The following PCBP3 variants were observed in gnomAD, a reference collection of about 807,000 sequenced individuals.
PCBP3 encodes poly(rC) binding protein 3.
In PCBP3, 25 loss-of-function variants were observed where a neutral mutation model predicts 52.7. The ratio of observed to expected loss-of-function variants is 0.47; its 90% CI spans 0.35 to 0.66. The LOEUF (loss-of-function observed/expected upper bound fraction) is 0.66, where lower values mean the gene tolerates loss of function less well. Ranked by LOEUF, PCBP3 falls within the 30% of genes least tolerant of loss-of-function variation. The pLI, the probability that PCBP3 is intolerant of heterozygous loss-of-function variation, is 0.01. For synonymous variants in PCBP3, 162 were observed against 183.0 expected, an observed-to-expected ratio of 0.89 and a Z score of 0.93; for missense variants, 391 against 490.3, an observed-to-expected ratio of 0.80 and a Z score of 1.91.
chr21:45,787,808 A>G (rs2091264166), intron 4 of PCBP3, among the ~76,000 whole-genome samples: 1 of 152,226 alleles, frequency 6.6e-6, no homozygotes, highest in South Asian at 2.1e-4. Flanking sequence ...GACGCTTCAC[A>G]AATGTGTTAC....
At chr21:45,692,217 C>A (rs1454013052) in intron 2 of PCBP3, among the ~76,000 whole-genome samples, 1 of 151,900 alleles carries the variant, frequency 6.6e-6, no homozygotes, top group Non-Finnish European at 1.5e-5. Context: ...TAAACAGAGA[C>A]CTTAGGTTGT....
chr21:45,858,087 C>A (rs959316340), intron 5 of PCBP3, among the ~76,000 whole-genome samples: 2 of 152,242 alleles, frequency 1.3e-5, no homozygotes, highest in Non-Finnish European at 2.9e-5. Context: ...CCTCCCTTAC[C>A]TCCCTCCAGT....
chr21:45,785,262 CG>C (rs1387646201), intron 4 of PCBP3, among the ~76,000 whole-genome samples: 3 of 151,720 alleles, frequency 2.0e-5, no homozygotes, highest in African/African-American at 7.3e-5. Context: ...CATCTCCGCC[CG>C]GCAGCCACCC....
chr21:45,908,572 G>C (rs1320312130), intron 9 of PCBP3, among the ~76,000 whole-genome samples: 8 of 152,142 alleles, frequency 5.3e-5, no homozygotes, highest in Non-Finnish European at 1.2e-4. Flanking sequence ...GGGTGTCCTG[G>C]GGGTGCTGCC....
intron 2 of PCBP3, among the ~76,000 whole-genome samples, chr21:45,720,337 G>C (rs560331774): frequency 4.1e-4 from 63 of 151,854 alleles, no homozygotes; most frequent in African/African-American, 1.3e-3. Flanking sequence ...TTCTGTTCCT[G>C]TGTTAGTTTG....
intron 4 of PCBP3, among the ~76,000 whole-genome samples, chr21:45,825,768 G>A (rs1311561471): frequency 2.0e-5 from 3 of 152,194 alleles, no homozygotes. Context: ...CTCTCAGGCA[G>A]GGCATCGAGG....
At chr21:45,896,159 G>A (rs753989368) in intron 5 of PCBP3, 49 bp from the exon 6 acceptor site, 139 of 1,533,890 alleles carry the variant, frequency 9.1e-5, no homozygotes, top group Non-Finnish European at 1.2e-4. Flanking sequence ...CTGGATGTGC[G>A]TGGTCCGTGA....
intron 1 of PCBP3, among the ~76,000 whole-genome samples, chr21:45,659,644 C>G (rs1042341219): frequency 6.6e-6 from 1 of 152,232 alleles, no homozygotes; most frequent in South Asian, 2.1e-4. Flanking sequence ...AGCCACTGTG[C>G]CTGGCCTCAT....
At chr21:45,855,141 C>T (rs1255860106) in intron 5 of PCBP3, among the ~76,000 whole-genome samples, 1 of 152,206 alleles carries the variant, frequency 6.6e-6, no homozygotes, top group Non-Finnish European at 1.5e-5. Flanking sequence ...CTCTCCAAGT[C>T]TGGCAGCGAT....
intron 2 of PCBP3, among the ~76,000 whole-genome samples, chr21:45,677,187 A>G (rs1346867366): frequency 6.6e-6 from 1 of 152,226 alleles, no homozygotes; most frequent in African/African-American, 2.4e-5. Context: ...ATGGAAAGGA[A>G]GTTCTTGAAG....
intron 2 of PCBP3, among the ~76,000 whole-genome samples, chr21:45,677,743 G>C (rs1375440833): frequency 6.6e-6 from 1 of 152,180 alleles, no homozygotes; most frequent in Non-Finnish European, 1.5e-5. Context: ...AAAACTCTAG[G>C]ATCCTTAAGA....
intron 5 of PCBP3, among the ~76,000 whole-genome samples, chr21:45,852,482 T>C (rs1192187865): frequency 9.4e-6 from 1 of 106,592 alleles, no homozygotes; most frequent in Non-Finnish European, 2.0e-5. Context: ...CTGACTTTTG[T>C]TCAGAAGGAA....
At chr21:45,900,451 G>C in intron 7 of PCBP3, 140 bp from the exon 8 acceptor site, 2 of 671,760 alleles carry the variant, frequency 3.0e-6, no homozygotes, top group South Asian at 3.5e-5. Flanking sequence ...TTAGTGGAGA[G>C]GCTGGTTTGC....
intron 12 of PCBP3, chr21:45,915,322 G>C (rs536553289): frequency 6.6e-6 from 1 of 152,204 alleles, no homozygotes; most frequent in Non-Finnish European, 1.5e-5. Flanking sequence ...AGGGTCACAC[G>C]GAGTCACACG....
chr21:45,795,799 CAAT>C lies in PCBP3; in HGVS notation c.-126+40350_-126+40352del, dbSNP rs202010309. Among the ~76,000 whole-genome samples, 1,301 of 152,182 alleles carry C rather than the reference CAAT, an allele frequency of 8.5e-3. 25 individuals are homozygous for C. The highest frequency in any genetic ancestry group is 0.03 in the African/African-American group (1,230 of 41,488). ...GGTGCAATAAATTCTGAAAAAGAAT[CAAT>C]AAAATACTTAAACTGTTAGCCACTT... On this transcript the variant is annotated intron_variant, in intron 4 of 17. Transcript: ENST00000681687.
At chr21:45,925,355 A>AG (rs1200688853) in intron 13 of PCBP3, among the ~76,000 whole-genome samples, 2 of 152,218 alleles carry the variant, frequency 1.3e-5, no homozygotes, top group Non-Finnish European at 2.9e-5. Context: ...GAAACAAGTG[A>AG]GGGGAAAAAT....
intron 4 of PCBP3, among the ~76,000 whole-genome samples, chr21:45,795,989 T>A (rs967049948): frequency 1.3e-5 from 2 of 152,262 alleles, no homozygotes; most frequent in African/African-American, 2.4e-5. Context: ...AAGATGTAAA[T>A]CAACGAAACT....
At chr21:45,680,265 A>G (rs545737068) in intron 2 of PCBP3, among the ~76,000 whole-genome samples, 1 of 152,340 alleles carries the variant, frequency 6.6e-6, no homozygotes, top group African/African-American at 2.4e-5. Context: ...ATTTTTGATG[A>G]AATTTTAATG....
At chr21:45,733,040 G>A (rs2085575885) in intron 2 of PCBP3, among the ~76,000 whole-genome samples, 1 of 152,124 alleles carries the variant, frequency 6.6e-6, no homozygotes, top group African/African-American at 2.4e-5. Flanking sequence ...ATCTTTATCT[G>A]TGTTTTATTT....
Sources: allele counts gnomAD v4.1 joint callset (sites outside exome capture counted in the v4.1 genomes callset), GRCh38; gene constraint gnomAD v4.1.1; transcripts MANE v1.5; gene names NCBI Gene and HGNC (gene_info 2026-07-23, HGNC 2026-07-21).